WDFY4: variants seen among roughly 807,000 people sequenced by gnomAD.
WDFY4 encodes the protein WD repeat- and FYVE domain-containing protein 4.
In WDFY4, 169 loss-of-function variants were observed where a neutral mutation model predicts 351.9. The ratio of observed to expected loss-of-function variants is 0.48; its 90% CI spans 0.42 to 0.55. The LOEUF (loss-of-function observed/expected upper bound fraction) is 0.55. WDFY4 is among the 20% of genes least tolerant of loss of function. The pLI, the probability that WDFY4 is intolerant of heterozygous loss-of-function variation, is 0.00. For synonymous variants in WDFY4, 1,622 were observed against 1,574.6 expected, an observed-to-expected ratio of 1.03 and a Z score of -0.71; for missense variants, 3,803 against 3,935.6, an observed-to-expected ratio of 0.97 and a Z score of 0.90.
At position 48,896,925 on chromosome 10, in the gene WDFY4, C is replaced by T. The variant is rs1395007935; in HGVS notation, c.7317-529C>T. ...GGCAGAGGGACTAAGGTGTGTGGCA[C>T]GGCAGGTATCCTGGGGCTGAGACTG... On this transcript the variant is annotated intron_variant, in intron 44 of 61. Transcript: ENST00000325239. 5.9e-5 allele frequency among the ~76,000 whole-genome samples: 9 copies of T among 152,166 alleles called. No individual in the cohort carries two copies. The East Asian group carries it at 9.7e-4, about 16-fold the overall frequency.
At position 48,982,749 on chromosome 10, in the gene WDFY4, T is replaced by C; in HGVS notation, c.*174T>C. The C allele has an allele frequency of 1.5e-6, 1 of 656,100 alleles. No individual in the cohort carries two copies. Among genetic ancestry groups the C allele is most frequent in the East Asian group, 3.3e-5 (1 of 30,322 alleles). The allele number at this position is 656,100 out of a possible 1,614,324, so 40.6% of individuals were successfully genotyped here. A position where few individuals can be genotyped will look rare whatever the true frequency, so the allele number is the denominator to read the frequency against. On this transcript the variant is annotated 3_prime_UTR_variant, in exon 62 of 62. Coordinates refer to ENST00000325239, the MANE Select transcript of WDFY4 (RefSeq NM_001394531.1). ...GCAGCCCAACCCTCTCCATGGCCGA[T>C]GGGACTTCTATGAAAAGGATGAGCA...
intron 28 of WDFY4, among the ~76,000 whole-genome samples, chr10:48,808,379 T>C (rs1267069896): frequency 6.6e-6 from 1 of 152,256 alleles, no homozygotes; most frequent in East Asian, 1.9e-4. Flanking sequence ...AGTGAGTTTG[T>C]TATTTTTCCA....
chr10:48,786,536 A>G, intron 19 of WDFY4, 103 bp from the exon 20 acceptor site: 1 of 836,964 alleles, frequency 1.2e-6, no homozygotes, highest in East Asian at 2.8e-5. Flanking sequence ...ATACATTTTT[A>G]CTATGAGATG....
intron 1 of WDFY4, among the ~76,000 whole-genome samples, chr10:48,698,911 G>A (rs757132745): frequency 7.2e-4 from 109 of 152,306 alleles, no homozygotes; most frequent in Non-Finnish European, 1.4e-3. Flanking sequence ...TCTTCAGAGT[G>A]GACTGGAGAC....
chr10:48,776,358 G>A (rs765527852), intron 15 of WDFY4, among the ~76,000 whole-genome samples: 6 of 152,192 alleles, frequency 3.9e-5, no homozygotes, highest in Admixed American at 1.3e-4. Context: ...TGACAGCTGC[G>A]GTGGGAGCCC....
Position 48,959,747 on chromosome 10 carries a change from A to G in WDFY4, c.8157A>G (p.Leu2719=). 1 of 1,551,602 alleles carries G rather than the reference A, an allele frequency of 6.4e-7. No homozygotes were observed. The highest frequency in any genetic ancestry group is 2.4e-5 in the East Asian group (1 of 40,922). The stretch of plus-strand genomic sequence containing the variant: ...GCTGCATGCAGGACGGGACTGTGCT[A>G]GGAGACGTGCAGCTCCCTCCCTGGG... ...EFGCMQDGTV[L]GDVQLPPWAD... The change falls in exon 53 of 62, where the codon CTA becomes CTG. Residue 2719 remains leucine (L), a synonymous_variant. Coordinates refer to ENST00000325239, the MANE Select transcript of WDFY4 (RefSeq NM_001394531.1).
At chr10:48,845,779 A>C (rs942269592) in intron 39 of WDFY4, among the ~76,000 whole-genome samples, 1 of 152,064 alleles carries the variant, frequency 6.6e-6, no homozygotes, top group Non-Finnish European at 1.5e-5. Flanking sequence ...AAAGAAAATG[A>C]TCATAGAAGA....
intron 12 of WDFY4, among the ~76,000 whole-genome samples, chr10:48,756,434 A>C (rs974545916): frequency 6.6e-6 from 1 of 151,788 alleles, no homozygotes; most frequent in Non-Finnish European, 1.5e-5. Flanking sequence ...GGGATTTTCT[A>C]TGAAGACAAT....
intron 4 of WDFY4, 145 bp downstream of exon 4, chr10:48,721,512 G>T (rs1565128010): frequency 8.0e-6 from 6 of 752,622 alleles, no homozygotes; most frequent in Non-Finnish European, 2.2e-6. Context: ...TCCCCTTCTG[G>T]TGTAGAACAT....
Position 48,691,515 on chromosome 10 carries a change from C to T in WDFY4, c.-18+6514C>T, listed in dbSNP as rs547601093. The stretch of plus-strand genomic sequence containing the variant: ...CTGGCTCCATCATGGCAGCCCCCAG[C>T]GTAGCGGGCTGCTGGAGTTGGGGGG... On this transcript the variant is annotated intron_variant, in intron 1 of 61. Transcript: ENST00000325239. Among the ~76,000 whole-genome samples the T allele has an allele frequency of 2.6e-5, 4 of 152,312 alleles. No homozygotes were observed. The South Asian group carries it at 6.2e-4, about 24-fold the overall frequency.
At position 48,777,039 on chromosome 10, in the gene WDFY4, TG is replaced by T. The variant is rs1200170077; in HGVS notation, c.3098+56del. On this transcript the variant is annotated intron_variant, in intron 16 of 61. Transcript: ENST00000325239. The stretch of plus-strand genomic sequence containing the variant: ...CACTTTATTAATTTTGCAGTGCCTC[TG>T]ATGAATTATAATATTGATTGCAAAC... 2.2e-5 allele frequency: 33 copies of T among 1,493,578 alleles called. No individual in the cohort carries two copies. The African/African-American group carries it at 3.5e-4, about 16-fold the overall frequency. The allele number at this position is 1,493,578 out of a possible 1,614,324, so 92.5% of individuals were successfully genotyped here.
chr10:48,929,661 A>T (rs1425562272), intron 47 of WDFY4, among the ~76,000 whole-genome samples: 1 of 152,172 alleles, frequency 6.6e-6, no homozygotes, highest in African/African-American at 2.4e-5. Context: ...TCTTGCCCGG[A>T]CCTTGCTCCC....
chr10:48,820,359 C>A lies in WDFY4; in HGVS notation c.5631C>A (p.Phe1877Leu). The A allele has an allele frequency of 6.4e-7, 1 of 1,551,632 alleles. No homozygotes were observed. Among genetic ancestry groups the A allele is most frequent in the South Asian group, 1.2e-5 (1 of 84,058 alleles). ...CCGCCCGGAGGAAGCTGAGGGAGTT[C>A]ACGCAGCTCCTCTTGAGGGAGCTCC... is the stretch of plus-strand genomic sequence containing the variant. ...AHPARRKLRE[F>L]TQLLLRELLL... Residue 1877 changes from phenylalanine (F) to leucine (L), a missense_variant, in exon 33 of 62, where the codon TTC becomes TTA. Phe to Leu is a conservative substitution (Grantham distance 22). Around this residue, in one of 3 missense-constraint regions of WDFY4, gnomAD observed 3,054 missense variants for 3,148.6 expected, o/e 0.97. Transcript: ENST00000325239.
intron 44 of WDFY4, 116 bp from the exon 45 acceptor site, chr10:48,897,338 T>G: frequency 7.0e-7 from 1 of 1,418,718 alleles, no homozygotes; most frequent in Non-Finnish European, 9.5e-7. Flanking sequence ...CGCACTTCTC[T>G]GATGTGTCAT....
chr10:48,965,589 G>A (rs1030727029), intron 54 of WDFY4, among the ~76,000 whole-genome samples: 1 of 152,064 alleles, frequency 6.6e-6, no homozygotes, highest in African/African-American at 2.4e-5. Flanking sequence ...GCTGCCCATC[G>A]AACTGGAGCC....
Position 48,982,895 on chromosome 10 carries a change from G to A in WDFY4, c.*320G>A. 3 of 392,778 alleles carry A rather than the reference G, an allele frequency of 7.6e-6. No individual in the cohort carries two copies. Among genetic ancestry groups the A allele is most frequent in the Non-Finnish European group, 1.5e-5 (3 of 199,788 alleles). The allele number at this position is 392,778 out of a possible 1,614,324, so 24.3% of individuals were successfully genotyped here. A position where few individuals can be genotyped will look rare whatever the true frequency, so the allele number is the denominator to read the frequency against. On this transcript the variant is annotated 3_prime_UTR_variant, in exon 62 of 62. Transcript: ENST00000325239. ...ATTGCACTGAAAAAAAAAAAGATGGGTCGCTTACTGGAAATTATTGTATTG... is the reference window on the plus strand; with the variant it reads ...ATTGCACTGAAAAAAAAAAAGATGGATCGCTTACTGGAAATTATTGTATTG...
chr10:48,900,077 C>G, intron 45 of WDFY4, 144 bp from the exon 46 acceptor site: 3 of 648,572 alleles, frequency 4.6e-6, no homozygotes, highest in Non-Finnish European at 7.8e-6. Context: ...CAAGGTCTTC[C>G]TACCATGGGA....
In WDFY4 at chr10:48,731,278, T is replaced by C. The variant is rs1314804625; in HGVS notation, c.1298T>C (p.Phe433Ser). ...TGGACCCTGCAGCCCATCTCGCAGT[T>C]TGTAGAGATCATGCCCCTGAAGCCG... The part of the protein sequence containing the change: ...LEWTLQPISQ[F>S]VEIMPLKPAP... The change falls in exon 9 of 62, where the codon TTT becomes TCT. Residue 433 changes from phenylalanine to serine, a missense_variant. Physicochemically the swap from Phe to Ser is radical, Grantham distance 155 (BLOSUM62 -2). Around this residue, in one of 3 missense-constraint regions of WDFY4, gnomAD observed 261 missense variants for 330.2 expected, o/e 0.79. Coordinates refer to ENST00000325239, the MANE Select transcript of WDFY4 (RefSeq NM_001394531.1). 6.4e-7 allele frequency: 1 copy of C among 1,551,772 alleles called. No individual in the cohort carries two copies. Among genetic ancestry groups the C allele is most frequent in the Non-Finnish European group, 8.7e-7 (1 of 1,147,010 alleles).
At position 48,885,620 on chromosome 10, in the gene WDFY4, C is replaced by T. The variant is rs762365142; in HGVS notation, c.7168-4959C>T. 2.0e-4 allele frequency among the ~76,000 whole-genome samples: 31 copies of T among 152,192 alleles called. 1 individual carries two copies. The highest frequency in any genetic ancestry group is 5.8e-4 in the African/African-American group (24 of 41,516). On this transcript the variant is annotated intron_variant, in intron 43 of 61. Coordinates refer to ENST00000325239, the MANE Select transcript of WDFY4 (RefSeq NM_001394531.1). ...CTTGTCTCAACCTGAGATGTACTTACGTGAAAAGATCGATGCATCATTACA... is the reference window on the plus strand; with the variant it reads ...CTTGTCTCAACCTGAGATGTACTTATGTGAAAAGATCGATGCATCATTACA...
Sources: gnomAD v4.1 joint callset for allele counts (sites outside exome capture counted in the v4.1 genomes callset) on GRCh38, gnomAD v4.1.1 for gene constraint, gnomAD v4.1.1 regional missense constraint, MANE v1.5 for transcripts, NCBI Gene and HGNC (gene_info 2026-07-23, HGNC 2026-07-21) for gene names.